The following GRAMD4 variants were observed in gnomAD, a reference collection of about 807,000 sequenced individuals.
The protein encoded by GRAMD4 is GRAM domain containing 4.
In GRAMD4, 25 loss-of-function variants were observed where a neutral mutation model predicts 83.9. That is an observed-to-expected ratio of 0.30 (90% CI 0.22 to 0.42). GRAMD4 has a LOEUF of 0.42. Among genes scored for constraint, GRAMD4 ranks in the 10% least tolerant of loss-of-function variants. The pLI, the probability that GRAMD4 is intolerant of heterozygous loss-of-function variation, is 1.00. For synonymous variants in GRAMD4, 336 were observed against 320.9 expected (o/e 1.05, Z -0.50); for missense variants, 593 against 788.7 (o/e 0.75, Z 2.97).
chr22:46,647,178 G>A (rs751078636), intron 3 of GRAMD4, among the ~76,000 whole-genome samples: 22 of 152,230 alleles, frequency 1.4e-4, no homozygotes, highest in Non-Finnish European at 2.8e-4. Context: ...ACGACTGTGA[G>A]TGGGTGACCC....
intron 3 of GRAMD4, among the ~76,000 whole-genome samples, chr22:46,646,964 C>T (rs540724758): frequency 6.6e-6 from 1 of 152,274 alleles, no homozygotes; most frequent in East Asian, 1.9e-4. Context: ...CATCAGATCT[C>T]GTGAGACTCC....
At chr22:46,666,971 C>T (rs2082419364) in intron 10 of GRAMD4, 98 bp downstream of exon 10, 1 of 844,382 alleles carries the variant, frequency 1.2e-6, no homozygotes, top group Non-Finnish European at 1.8e-6. Context: ...TGGATGAGGC[C>T]ATGTGGTCAT....
chr22:46,657,703 C>G (rs2082264696), intron 3 of GRAMD4, among the ~76,000 whole-genome samples: 1 of 152,224 alleles, frequency 6.6e-6, no homozygotes, highest in Admixed American at 6.5e-5. Context: ...GGCCCCCTGG[C>G]CAGCTTGAGC....
upstream of GRAMD4, among the ~76,000 whole-genome samples, chr22:46,617,116 A>G (rs576410127): frequency 4.4e-4 from 55 of 124,208 alleles, no homozygotes; most frequent in South Asian, 8.6e-4. Flanking sequence ...CTGTCCGTGT[A>G]GGTTCCCCCA....
intron 1 of GRAMD4, among the ~76,000 whole-genome samples, chr22:46,594,349 G>A (rs1439814524): frequency 3.3e-5 from 5 of 151,848 alleles, no homozygotes; most frequent in African/African-American, 4.8e-5. Flanking sequence ...ACAGGTGGAA[G>A]TGGGCGGGTG....
At chr22:46,586,754 G>A (rs372298624) in intron 1 of GRAMD4, among the ~76,000 whole-genome samples, 71 of 152,322 alleles carry the variant, frequency 4.7e-4, no homozygotes, top group African/African-American at 1.5e-3. Flanking sequence ...TGGGGAAAGC[G>A]GCCCTGGGGT....
rs894285214 is a variant in GRAMD4, at chr22:46,659,956, C to T, written c.405-1425C>T. Among the ~76,000 whole-genome samples, 4 of 152,208 alleles carry T rather than the reference C, an allele frequency of 2.6e-5. No individual in the cohort carries two copies. Among genetic ancestry groups the T allele is most frequent in the Non-Finnish European group, 5.9e-5 (4 of 68,026 alleles). On this transcript the variant is annotated intron_variant, in intron 4 of 18. Coordinates refer to ENST00000406902, the MANE Select transcript of GRAMD4 (RefSeq NM_015124.5). The surrounding 1 kb of genome is among the most constrained non-coding windows in gnomAD (Gnocchi z 4.1). ...CGCTGGGAGATCCCAGGGACAGGTG[C>T]GGTCCCCAGGCATTTGGCCACAGTG... is the stretch of plus-strand genomic sequence containing the variant.
intron 1 of GRAMD4, among the ~76,000 whole-genome samples, chr22:46,610,935 C>T (rs570756564): frequency 6.6e-6 from 1 of 152,266 alleles, no homozygotes; most frequent in East Asian, 1.9e-4. Flanking sequence ...TCTTTGCAGG[C>T]CGGGAGTGGT....
rs566168873 is a variant in GRAMD4 at position 46,677,617 on chromosome 22, G to T, written c.*366G>T. ...TCTCCAGCCACCCCAAGAGGTTCTC[G>T]CAACCTTGTGTCCCGCTCTCCAGAG... is the stretch of plus-strand genomic sequence containing the variant. On this transcript the variant is annotated 3_prime_UTR_variant, in exon 19 of 19. Coordinates refer to ENST00000406902, the MANE Select transcript of GRAMD4 (RefSeq NM_015124.5). 3 of 1,020,864 alleles carry T rather than the reference G, an allele frequency of 2.9e-6. No homozygotes were observed. Among genetic ancestry groups the T allele is most frequent in the Non-Finnish European group, 3.5e-6 (3 of 851,626 alleles). 63.2% of individuals were successfully genotyped at this position (1,020,864 alleles called of 1,614,324 possible).
At chr22:46,633,993 T>G (rs189931515) in intron 2 of GRAMD4, among the ~76,000 whole-genome samples, 164 of 152,354 alleles carry the variant, frequency 1.1e-3, no homozygotes, top group Middle Eastern at 3.4e-3. Flanking sequence ...CCCTCAGGCC[T>G]GTCTCACCCC....
chr22:46,587,834 G>C (rs757573534), intron 1 of GRAMD4: 31 of 867,232 alleles, frequency 3.6e-5, no homozygotes, highest in Non-Finnish European at 4.3e-5. Context: ...TTGGTGGAGA[G>C]GAAGTGAAAC....
In GRAMD4 at chr22:46,655,391, G is replaced by A. The variant is rs554832361; in HGVS notation, c.284-2796G>A. ...TGGCTTGTGCTTTACAAGCAGCCTTGGACCTCAGCTTGGAGCCGGACGGGA... is the reference window on the plus strand; with the variant it reads ...TGGCTTGTGCTTTACAAGCAGCCTTAGACCTCAGCTTGGAGCCGGACGGGA... On this transcript the variant is annotated intron_variant, in intron 3 of 18. Coordinates refer to ENST00000406902, the MANE Select transcript of GRAMD4 (RefSeq NM_015124.5). Among the ~76,000 whole-genome samples, 5 of 152,282 alleles carry A rather than the reference G, an allele frequency of 3.3e-5. No individual in the cohort carries two copies. In the South Asian group the frequency reaches 8.3e-4, roughly 25 times the overall value.
At chr22:46,653,348 C>A (rs542639987) in intron 3 of GRAMD4, among the ~76,000 whole-genome samples, 1 of 152,178 alleles carries the variant, frequency 6.6e-6, no homozygotes, top group South Asian at 2.1e-4. Context: ...CGGGCTCTGG[C>A]GTTCACATTT....
intron 1 of GRAMD4, among the ~76,000 whole-genome samples, chr22:46,595,696 C>G (rs542605499): frequency 1.1e-4 from 17 of 152,362 alleles, no homozygotes; most frequent in East Asian, 7.7e-4. Context: ...TCCAAGTCAT[C>G]GCAGGGACCC....
intron 3 of GRAMD4, among the ~76,000 whole-genome samples, chr22:46,639,371 G>A (rs1044006134): frequency 8.0e-5 from 12 of 149,684 alleles, no homozygotes; most frequent in Non-Finnish European, 1.5e-4. Flanking sequence ...GTACGTGCAC[G>A]TGTGTGGTGG....
chr22:46,610,355 G>A (rs1377403150), intron 1 of GRAMD4, among the ~76,000 whole-genome samples: 1 of 152,224 alleles, frequency 6.6e-6, no homozygotes, highest in African/African-American at 2.4e-5. Context: ...ACCCCGGACA[G>A]GGACGGTCAG....
rs1169802888 is a variant in GRAMD4, at chr22:46,620,947, G to A, written c.-50+382G>A. On this transcript the variant is annotated intron_variant, in intron 1 of 18. Coordinates refer to ENST00000406902, the MANE Select transcript of GRAMD4 (RefSeq NM_015124.5). This position sits in a 1 kb window ranked among gnomAD's most constrained non-coding sequence, Gnocchi z 4.7. ...GAGAGGGAGGAGGCCGATCTGAGAG[G>A]GCCGCATGGCTCGGAGTTGCAGGGG... 1.3e-5 allele frequency among the ~76,000 whole-genome samples: 2 copies of A among 152,162 alleles called. No individual in the cohort carries two copies. Among genetic ancestry groups the A allele is most frequent in the African/African-American group, 2.4e-5 (1 of 41,454 alleles).
intron 11 of GRAMD4, among the ~76,000 whole-genome samples, 194 bp downstream of exon 11, chr22:46,668,361 C>T (rs905082328): frequency 7.9e-5 from 12 of 152,220 alleles, no homozygotes; most frequent in African/African-American, 2.9e-4. Flanking sequence ...ATGGTCGTTA[C>T]AGCAACTCTG....
At chr22:46,581,083 C>T (rs756681254) in intron 1 of GRAMD4, among the ~76,000 whole-genome samples, 46 of 152,072 alleles carry the variant, frequency 3.0e-4, no homozygotes, top group Non-Finnish European at 6.3e-4. Flanking sequence ...TGGGCGGACA[C>T]TTTGGGCTGG....
Sources: allele counts gnomAD v4.1 joint callset (sites outside exome capture counted in the v4.1 genomes callset), GRCh38; gene constraint gnomAD v4.1.1; non-coding constraint Gnocchi (gnomAD v3.1); transcripts MANE v1.5; gene names NCBI Gene and HGNC (gene_info 2026-07-23, HGNC 2026-07-21).